Variants in HEPH observed in about 807,000 individuals in gnomAD.
The protein encoded by HEPH is hephaestin.
HEPH carries 69 observed loss-of-function variants against 80.8 expected under a neutral mutation model. The ratio of observed to expected loss-of-function variants is 0.85; its 90% CI spans 0.70 to 1.04. The LOEUF is 1.04. Ranked by LOEUF, HEPH falls within the 50% of genes least tolerant of loss-of-function variation. The pLI, the probability that HEPH is intolerant of heterozygous loss-of-function variation, is 0.00. For missense variants in HEPH, 1,115 were observed against 891.3 expected (o/e 1.25, Z -3.20); for synonymous variants, 431 against 322.8 (o/e 1.34, Z -3.60).
At chrX:66,173,498 A>G in intron 3 of HEPH, 91 bp from the exon 4 acceptor site, 1 of 588,979 alleles carries the variant, frequency 1.7e-6, no homozygotes, top group Non-Finnish European at 2.7e-6. Flanking sequence ...GACTGGACCT[A>G]GGGTTCTACA....
intron 4 of HEPH, among the ~76,000 whole-genome samples, chrX:66,186,610 C>G (rs756919265): frequency 2.7e-5 from 3 of 112,248 alleles, no homozygotes; most frequent in Admixed American, 9.3e-5. Context: ...CTGGCACTCC[C>G]TAGTGAGATG....
intron 10 of HEPH, 106 bp downstream of exon 10, chrX:66,198,000 A>G: frequency 1.6e-6 from 1 of 635,339 alleles, no homozygotes; most frequent in Non-Finnish European, 2.4e-6. Context: ...TAGGGAATAG[A>G]AGAAAAATAA....
At chrX:66,195,981 C>A (rs774357510) in intron 9 of HEPH, among the ~76,000 whole-genome samples, 1 of 111,510 alleles carries the variant, frequency 9.0e-6, no homozygotes, top group African/African-American at 3.3e-5. Flanking sequence ...CTAGAATGAA[C>A]ATTCTATAAG....
chrX:66,203,665 T>A (rs1054095636), intron 13 of HEPH, 88 bp downstream of exon 13: 1 of 787,412 alleles, frequency 1.3e-6, no homozygotes, highest in South Asian at 2.6e-5. Context: ...GAGACTCTTA[T>A]CTCAGGTCTC....
intron 7 of HEPH, among the ~76,000 whole-genome samples, chrX:66,193,063 C>T (rs191479084): frequency 1.4e-4 from 16 of 110,715 alleles, no homozygotes; most frequent in Admixed American, 9.7e-5. Context: ...ATGGATTCTA[C>T]GATTTCCAGC....
intron 15 of HEPH, among the ~76,000 whole-genome samples, chrX:66,239,549 A>C (rs2090490165): frequency 9.0e-6 from 1 of 111,364 alleles, no homozygotes; most frequent in African/African-American, 3.3e-5. Context: ...ACTTTCACAT[A>C]ATCATTTTGG....
intron 4 of HEPH, among the ~76,000 whole-genome samples, chrX:66,186,915 C>A (rs780044861): frequency 9.0e-6 from 1 of 111,065 alleles, no homozygotes; most frequent in Non-Finnish European, 1.9e-5. Context: ...GGGCTTTGTT[C>A]ATTTTTTCTT....
intron 15 of HEPH, among the ~76,000 whole-genome samples, chrX:66,250,070 G>T (rs1354982207): frequency 9.0e-6 from 1 of 111,112 alleles, no homozygotes; most frequent in East Asian, 2.8e-4. Flanking sequence ...GTAGAGGAGA[G>T]TAGGGATCTT....
Position 66,266,732 on chromosome X carries a change from T to G in HEPH, c.*60T>G. On this transcript the variant is annotated 3_prime_UTR_variant, in exon 21 of 21. Coordinates refer to ENST00000343002, the MANE Select transcript of HEPH (RefSeq NM_001367233.3). ...TCTGTAGTGCACTCCCAGCAGGCCA[T>G]GGACTAGTCACTAACCCCACACTCA... is the stretch of plus-strand genomic sequence containing the variant. 1.2e-6 allele frequency: 1 copy of G among 814,088 alleles called. No individual in the cohort carries two copies. The highest frequency in any genetic ancestry group is 2.3e-5 in the South Asian group (1 of 42,561). 67.1% of individuals were successfully genotyped at this position (814,088 alleles called of 1,213,427 possible).
At chrX:66,163,553 A>T (rs2086252180), upstream of HEPH, among the ~76,000 whole-genome samples, 1 of 110,913 alleles carries the variant, frequency 9.0e-6, no homozygotes, top group Non-Finnish European at 1.9e-5. Flanking sequence ...ATGTATATAT[A>T]AAAAAATCCA....
chrX:66,265,897 G>A (rs1292105943), intron 20 of HEPH, among the ~76,000 whole-genome samples: 1 of 111,790 alleles, frequency 8.9e-6, no homozygotes, highest in Non-Finnish European at 1.9e-5. Flanking sequence ...TCAAAAGTGT[G>A]TATGCCAAGA....
chrX:66,245,393 A>G (rs1465853567), intron 15 of HEPH, among the ~76,000 whole-genome samples: 1 of 112,034 alleles, frequency 8.9e-6, no homozygotes, highest in Non-Finnish European at 1.9e-5. Context: ...AGGCCATTAC[A>G]TAATGGTAAA....
intron 18 of HEPH, among the ~76,000 whole-genome samples, chrX:66,259,210 A>G (rs2091278131): frequency 8.9e-6 from 1 of 111,901 alleles, no homozygotes; most frequent in African/African-American, 3.2e-5. Context: ...AGGCCCATTT[A>G]TCAGTAAGGA....
chrX:66,187,433 G>A (rs374206581), intron 4 of HEPH, among the ~76,000 whole-genome samples: 1 of 111,282 alleles, frequency 9.0e-6, no homozygotes, highest in African/African-American at 3.3e-5. Flanking sequence ...AGATTCTTTT[G>A]TCTCAAAGGG....
chrX:66,207,081 T>C (rs1207051392), intron 13 of HEPH, 114 bp from the exon 14 acceptor site: 10 of 535,758 alleles, frequency 1.9e-5, no homozygotes, highest in African/African-American at 1.5e-4. Flanking sequence ...CCCCCCCCTT[T>C]TTTTTTTCTG....
At chrX:66,196,559 G>A (rs961749362) in intron 9 of HEPH, among the ~76,000 whole-genome samples, 3 of 111,224 alleles carry the variant, frequency 2.7e-5, no homozygotes, top group Non-Finnish European at 5.7e-5. Context: ...TTTAAGTTGG[G>A]GAATTGCTAT....
chrX:66,200,241 G>GGTGTGTGTGTGTGTGTGTGT (rs57136656), intron 11 of HEPH, among the ~76,000 whole-genome samples: 179 of 91,233 alleles, frequency 2.0e-3, no homozygotes, highest in African/African-American at 7.8e-3. Flanking sequence ...AGGAGAGATT[G>GGTGTGTGTGTGTGTGTGTGT]GTGTGTGTGT....
At chrX:66,195,636 T>A (rs1266463711) in intron 9 of HEPH, among the ~76,000 whole-genome samples, 1 of 111,644 alleles carries the variant, frequency 9.0e-6, no homozygotes, top group Non-Finnish European at 1.9e-5. Context: ...ACCATTGTAT[T>A]GTGTTTGTTT....
intron 4 of HEPH, 67 bp downstream of exon 4, chrX:66,173,868 G>C: frequency 1.2e-6 from 1 of 800,167 alleles, no homozygotes; most frequent in Non-Finnish European, 1.8e-6. Flanking sequence ...TGATATGGTT[G>C]AACCACCTAC....
Sources: allele counts gnomAD v4.1 joint callset (sites outside exome capture counted in the v4.1 genomes callset), GRCh38; gene constraint gnomAD v4.1.1; transcripts MANE v1.5; gene names NCBI Gene and HGNC (gene_info 2026-07-23, HGNC 2026-07-21).